Variants in AK8 observed in about 807,000 individuals in gnomAD.
The protein encoded by AK8 is adenylate kinase 8.
In AK8, 44 loss-of-function variants were observed where a neutral mutation model predicts 54.6. The observed-to-expected ratio is 0.81, with a 90% confidence interval of 0.63 to 1.04. The LOEUF (loss-of-function observed/expected upper bound fraction) is 1.04. AK8 is among the 50% of genes least tolerant of loss of function. AK8 has a pLI of 0.00. For missense variants in AK8, 555 were observed against 613.6 expected (o/e 0.90, Z 1.01); for synonymous variants, 239 against 245.6 (o/e 0.97, Z 0.25).
intron 6 of AK8, among the ~76,000 whole-genome samples, chr9:132,828,390 A>G (rs962123166): frequency 5.3e-5 from 8 of 152,232 alleles, no homozygotes; most frequent in Admixed American, 4.6e-4. Context: ...ACAGCATTCT[A>G]TGCTATGCAT....
intron 12 of AK8, 122 bp from the exon 13 acceptor site, chr9:132,726,047 AT>A: frequency 1.3e-6 from 1 of 783,684 alleles, no homozygotes. Flanking sequence ...ATCACCAGCC[AT>A]TTACTACTGT....
At chr9:132,743,270 C>A (rs1405718028) in intron 11 of AK8, among the ~76,000 whole-genome samples, 1 of 152,254 alleles carries the variant, frequency 6.6e-6, no homozygotes, top group Admixed American at 6.5e-5. Context: ...CCCACAGGCA[C>A]GGGTCTGAGA....
At chr9:132,807,963 A>C (rs1368255256) in intron 10 of AK8, among the ~76,000 whole-genome samples, 1 of 152,018 alleles carries the variant, frequency 6.6e-6, no homozygotes, top group African/African-American at 2.4e-5. Context: ...ATTTAAGCAA[A>C]GAACTGAGAT....
Position 132,865,949 on chromosome 9 carries a change from G to A in AK8, c.219+955C>T, listed in dbSNP as rs991479911. Among the ~76,000 whole-genome samples the A allele has an allele frequency of 5.9e-5, 9 of 152,170 alleles. No individual in the cohort carries two copies. The South Asian group carries it at 1.9e-3, about 32-fold the overall frequency. The stretch of plus-strand genomic sequence containing the variant: ...GTGGTGGCTCACGTCTGTAATCCCA[G>A]CTCTTTGGGAGGCTGAGGTAGGCGG... On this transcript the variant is annotated intron_variant, in intron 3 of 12. Coordinates refer to ENST00000298545, the MANE Select transcript of AK8 (RefSeq NM_152572.3).
At chr9:132,823,165 G>A (rs773330402) in intron 9 of AK8, 40 bp downstream of exon 9, 1 of 1,506,026 alleles carries the variant, frequency 6.6e-7, no homozygotes, top group Non-Finnish European at 8.8e-7. Context: ...GGCAGGGAAA[G>A]GCTCTCGAAG....
At chr9:132,735,215 T>C (rs1837045289) in intron 11 of AK8, among the ~76,000 whole-genome samples, 1 of 152,126 alleles carries the variant, frequency 6.6e-6, no homozygotes, top group Non-Finnish European at 1.5e-5. Context: ...CCCACCCTGG[T>C]AACGCCCACT....
At position 132,823,200 on chromosome 9, in the gene AK8, C is replaced by T; in HGVS notation, c.889+5G>A. 6.4e-7 allele frequency: 1 copy of T among 1,560,990 alleles called. No homozygotes were observed. The highest frequency in any genetic ancestry group is 8.7e-7 in the Non-Finnish European group (1 of 1,155,834). ...GCTGGGCAGCCCAGCACCTGGGGCA[C>T]TCACCATTGACAAGCCTGTATTTCT... On this transcript the variant is annotated splice_donor_5th_base_variant and intron_variant, in intron 9 of 12. Transcript: ENST00000298545.
At chr9:132,834,063 CT>C (rs1044755023) in intron 5 of AK8, among the ~76,000 whole-genome samples, 18 of 152,384 alleles carry the variant, frequency 1.2e-4, no homozygotes, top group African/African-American at 4.3e-4. Flanking sequence ...TGCTCAATCT[CT>C]GCAGTCCCAA....
intron 5 of AK8, among the ~76,000 whole-genome samples, chr9:132,851,453 G>A (rs976969821): frequency 1.3e-5 from 2 of 152,254 alleles, no homozygotes; most frequent in Non-Finnish European, 2.9e-5. Context: ...ATACCAAAAA[G>A]AGGAGCACCA....
At chr9:132,849,128 T>C (rs1842873800) in intron 5 of AK8, among the ~76,000 whole-genome samples, 1 of 152,112 alleles carries the variant, frequency 6.6e-6, no homozygotes. Flanking sequence ...CAGGATGGTC[T>C]CAATCTTTGG....
chr9:132,764,245 C>T (rs59262005), intron 11 of AK8, among the ~76,000 whole-genome samples: 1,744 of 152,050 alleles, frequency 0.011, 34 homozygotes, highest in African/African-American at 0.04. Context: ...GGGAGGTAGA[C>T]GTTGCAGTGA....
rs190917067 is a variant in AK8, at chr9:132,830,126, C to T, written c.403-1400G>A. On this transcript the variant is annotated intron_variant, in intron 5 of 12. Transcript: ENST00000298545. ...GCAAAAACATTTCATGAACGTTTTC[C>T]CATGTCACAAAGTGCTCCTTGCATA... Among the ~76,000 whole-genome samples the T allele has an allele frequency of 9.2e-5, 14 of 152,296 alleles. No individual in the cohort carries two copies. The East Asian group carries it at 2.7e-3, about 29-fold the overall frequency.
intron 5 of AK8, among the ~76,000 whole-genome samples, chr9:132,834,773 G>A (rs557902331): frequency 3.4e-4 from 52 of 152,172 alleles, no homozygotes; most frequent in Admixed American, 1.8e-3. Context: ...GTGCAGATGC[G>A]GGGATATCAT....
chr9:132,786,903 TA>T (rs370440508), intron 11 of AK8, among the ~76,000 whole-genome samples: 1 of 151,770 alleles, frequency 6.6e-6, no homozygotes, highest in Non-Finnish European at 1.5e-5. Flanking sequence ...TTTCAAGAGA[TA>T]AAAAAACCAT....
At chr9:132,832,954 G>A (rs111967637) in intron 5 of AK8, among the ~76,000 whole-genome samples, 5 of 152,134 alleles carry the variant, frequency 3.3e-5, no homozygotes, top group East Asian at 1.9e-4. Context: ...GAAATGGTAC[G>A]ATCACCTGGG....
chr9:132,777,179 T>C (rs1419561561), intron 11 of AK8, among the ~76,000 whole-genome samples: 1 of 152,100 alleles, frequency 6.6e-6, no homozygotes, highest in Non-Finnish European at 1.5e-5. Context: ...TGGTGAGGAA[T>C]TGGGTTGAAC....
chr9:132,828,156 C>A (rs1205896241), intron 6 of AK8, 72 bp from the exon 7 acceptor site: 10 of 1,334,314 alleles, frequency 7.5e-6, no homozygotes, highest in Non-Finnish European at 9.4e-6. Flanking sequence ...ATATCACAGA[C>A]CAATACTTGC....
chr9:132,869,454 GCTGC>G (rs1843721564), intron 2 of AK8, among the ~76,000 whole-genome samples: 1 of 152,242 alleles, frequency 6.6e-6, no homozygotes, highest in Non-Finnish European at 1.5e-5. Flanking sequence ...GCCCTGCGGA[GCTGC>G]CAGGAAGTGC....
intron 10 of AK8, among the ~76,000 whole-genome samples, chr9:132,805,419 C>G (rs957572211): frequency 3.8e-4 from 58 of 152,242 alleles, no homozygotes; most frequent in Non-Finnish European, 2.2e-4. Flanking sequence ...GACCTACCCC[C>G]CTCCGGCAGC....
Sources: allele counts gnomAD v4.1 joint callset (sites outside exome capture counted in the v4.1 genomes callset), GRCh38; gene constraint gnomAD v4.1.1; transcripts MANE v1.5; gene names NCBI Gene and HGNC (gene_info 2026-07-23, HGNC 2026-07-21).